CACNA2D3: variants seen among roughly 807,000 people sequenced by gnomAD.
The protein encoded by CACNA2D3 is calcium voltage-gated channel auxiliary subunit alpha2delta 3, also known as voltage-dependent calcium channel subunit alpha-2/delta-3.
In CACNA2D3, 60 loss-of-function variants were observed where a neutral mutation model predicts 160.6. The ratio of observed to expected loss-of-function variants is 0.37; its 90% CI spans 0.30 to 0.46. CACNA2D3 has a LOEUF of 0.46. Among genes scored for constraint, CACNA2D3 ranks in the 20% least tolerant of loss-of-function variants. CACNA2D3 has a pLI of 1.00. For synonymous variants in CACNA2D3, 558 were observed against 492.9 expected (o/e 1.13, Z -1.75); for missense variants, 1,205 against 1,365.0 (o/e 0.88, Z 1.85).
chr3:54,714,614 G>A (rs1701017076), intron 11 of CACNA2D3, among the ~76,000 whole-genome samples: 1 of 152,180 alleles, frequency 6.6e-6, no homozygotes, highest in South Asian at 2.1e-4. Flanking sequence ...CTTCCAACTT[G>A]TTTCGTATGT....
chr3:54,440,756 G>T (rs1027653232), intron 4 of CACNA2D3, among the ~76,000 whole-genome samples: 87 of 152,054 alleles, frequency 5.7e-4, no homozygotes, highest in Admixed American at 1.0e-3. Context: ...TTGTCCTTGC[G>T]ATAGTTTGCT....
chr3:54,465,906 T>C (rs566541634), intron 4 of CACNA2D3, among the ~76,000 whole-genome samples: 7 of 152,278 alleles, frequency 4.6e-5, no homozygotes, highest in East Asian at 1.9e-4. Context: ...TCTGGAAAGA[T>C]TGACTTCCTA....
chr3:54,553,773 C>A (rs1192091731), intron 5 of CACNA2D3, among the ~76,000 whole-genome samples: 2 of 152,126 alleles, frequency 1.3e-5, no homozygotes, highest in Admixed American at 1.3e-4. Flanking sequence ...TATCAGATGA[C>A]TGAGGTCTGG....
chr3:54,782,051 CCA>C (rs1275747033), intron 13 of CACNA2D3, among the ~76,000 whole-genome samples: 1 of 152,168 alleles, frequency 6.6e-6, no homozygotes, highest in African/African-American at 2.4e-5. Context: ...GTGGATATGT[CCA>C]GTTTTACCAG....
intron 11 of CACNA2D3, among the ~76,000 whole-genome samples, chr3:54,728,114 T>C (rs1381926254): frequency 6.6e-6 from 1 of 152,228 alleles, no homozygotes; most frequent in Non-Finnish European, 1.5e-5. Flanking sequence ...CTTGAATCTA[T>C]GGCCGGAAGT....
chr3:54,989,829 C>T (rs1702699568), intron 31 of CACNA2D3, among the ~76,000 whole-genome samples: 1 of 152,200 alleles, frequency 6.6e-6, no homozygotes, highest in African/African-American at 2.4e-5. Context: ...TCTACATTTA[C>T]ACGTCTCCCT....
intron 35 of CACNA2D3, among the ~76,000 whole-genome samples, chr3:55,020,530 ACTTG>A (rs1178773490): frequency 6.6e-6 from 1 of 151,538 alleles, no homozygotes; most frequent in Non-Finnish European, 1.5e-5. Flanking sequence ...GTGAAAATAT[ACTTG>A]CTTTTTCAGG....
chr3:54,292,738 T>C (rs1703241444), intron 2 of CACNA2D3, among the ~76,000 whole-genome samples: 1 of 152,176 alleles, frequency 6.6e-6, no homozygotes, highest in Non-Finnish European at 1.5e-5. Flanking sequence ...GAATGTAAAA[T>C]GGTATAGCTG....
chr3:54,166,997 G>A (rs1043350821), intron 2 of CACNA2D3, among the ~76,000 whole-genome samples: 3 of 152,094 alleles, frequency 2.0e-5, no homozygotes, highest in African/African-American at 7.2e-5. Context: ...ACGTAAAAAC[G>A]TCTTGTGAGA....
intron 4 of CACNA2D3, among the ~76,000 whole-genome samples, chr3:54,415,923 A>C (rs1037756786): frequency 6.6e-6 from 1 of 152,202 alleles, no homozygotes; most frequent in African/African-American, 2.4e-5. Context: ...ATTGAAGATG[A>C]AACTTAGGGA....
At chr3:54,389,234 G>A (rs1025292959) in intron 4 of CACNA2D3, among the ~76,000 whole-genome samples, 1 of 151,840 alleles carries the variant, frequency 6.6e-6, no homozygotes, top group African/African-American at 2.4e-5. Context: ...GGTGGATGTT[G>A]GAGTCAGCCG....
chr3:54,916,487 A>G (rs1700662075), intron 27 of CACNA2D3, among the ~76,000 whole-genome samples: 2 of 152,144 alleles, frequency 1.3e-5, no homozygotes, highest in South Asian at 4.1e-4. Flanking sequence ...AATTTAAGGT[A>G]TTTCAGTTTC....
At chr3:54,952,408 C>G (rs1057507874) in intron 27 of CACNA2D3, among the ~76,000 whole-genome samples, 2 of 152,172 alleles carry the variant, frequency 1.3e-5, no homozygotes, top group African/African-American at 2.4e-5. Flanking sequence ...TGGAAGATGT[C>G]ATGAGCATCT....
intron 2 of CACNA2D3, among the ~76,000 whole-genome samples, chr3:54,172,798 A>G (rs1253764089): frequency 6.6e-6 from 1 of 152,240 alleles, no homozygotes; most frequent in African/African-American, 2.4e-5. Context: ...TCTATTGATC[A>G]TATTTTCTAT....
chr3:54,210,422 TTTTGTGTGTGTGTGTGTG>T (rs997479085), intron 2 of CACNA2D3, among the ~76,000 whole-genome samples: 2 of 150,678 alleles, frequency 1.3e-5, no homozygotes, highest in African/African-American at 4.9e-5. Context: ...TGTGCAAAGT[TTTTGTGTGTGTGTGTGTG>T]TTTGTGTGTG....
At chr3:54,587,250 C>T (rs1031557186) in intron 9 of CACNA2D3, among the ~76,000 whole-genome samples, 16 of 127,438 alleles carry the variant, frequency 1.3e-4, no homozygotes, top group Admixed American at 1.0e-3. Flanking sequence ...TAAACCTCTA[C>T]CAAGACTGAT....
At chr3:54,180,490 A>G (rs1356238346) in intron 2 of CACNA2D3, among the ~76,000 whole-genome samples, 1 of 152,170 alleles carries the variant, frequency 6.6e-6, no homozygotes, top group East Asian at 1.9e-4. Flanking sequence ...CCCATAGCCA[A>G]TGTCACTGAG....
chr3:54,818,467 G>A (rs573768216), intron 14 of CACNA2D3, among the ~76,000 whole-genome samples: 69 of 152,318 alleles, frequency 4.5e-4, no homozygotes, highest in African/African-American at 1.5e-3. Flanking sequence ...GAGCCACTGC[G>A]CCCAGCCAGC....
At chr3:54,429,998 A>G (rs1018935938) in intron 4 of CACNA2D3, among the ~76,000 whole-genome samples, 3 of 152,218 alleles carry the variant, frequency 2.0e-5, no homozygotes, top group Admixed American at 1.3e-4. Context: ...TGAATGCCCT[A>G]TAAATGTGTA....
Sources: allele counts gnomAD v4.1 joint callset (sites outside exome capture counted in the v4.1 genomes callset), GRCh38; gene constraint gnomAD v4.1.1; transcripts MANE v1.5; gene names NCBI Gene and HGNC (gene_info 2026-07-23, HGNC 2026-07-21).